The following HHLA2 variants were observed in gnomAD, a reference collection of about 807,000 sequenced individuals.
The protein encoded by HHLA2 is HERV-H LTR-associating protein 2.
In HHLA2, 48 loss-of-function variants were observed where a neutral mutation model predicts 45.9. That is an observed-to-expected ratio of 1.05 (90% confidence interval 0.83 to 1.33). HHLA2 has a LOEUF of 1.33. Ranked by LOEUF, HHLA2 falls within the 40% of genes most tolerant of loss-of-function variation. HHLA2 has a pLI of 0.00. For missense variants in HHLA2, 462 were observed against 494.3 expected, an observed-to-expected ratio of 0.93 and a Z score of 0.62; for synonymous variants, 161 against 173.9, an observed-to-expected ratio of 0.93 and a Z score of 0.59.
intron 8 of HHLA2, among the ~76,000 whole-genome samples, chr3:108,367,978 A>C (rs190319657): frequency 1.2e-3 from 180 of 152,320 alleles, no homozygotes; most frequent in African/African-American, 4.0e-3. Context: ...GTTACCTACA[A>C]AGGGAAGTCC....
intron 8 of HHLA2, among the ~76,000 whole-genome samples, chr3:108,367,243 T>C (rs2082079749): frequency 6.6e-6 from 1 of 152,004 alleles, no homozygotes; most frequent in South Asian, 2.1e-4. Flanking sequence ...TAAATGAAGA[T>C]GAGGAAAAAC....
chr3:108,359,295 G>A (rs568596647), intron 7 of HHLA2, among the ~76,000 whole-genome samples: 4 of 151,946 alleles, frequency 2.6e-5, no homozygotes, highest in Non-Finnish European at 5.9e-5. Flanking sequence ...TTCCATCTCT[G>A]ACAAAAGAGT....
intron 2 of HHLA2, among the ~76,000 whole-genome samples, chr3:108,317,799 T>C (rs1348357861): frequency 6.6e-6 from 1 of 151,976 alleles, no homozygotes; most frequent in Non-Finnish European, 1.5e-5. Context: ...GGCCTTGAAC[T>C]CCTGACCTTG....
chr3:108,334,452 C>A (rs532427473), intron 3 of HHLA2, among the ~76,000 whole-genome samples: 4 of 152,300 alleles, frequency 2.6e-5, no homozygotes, highest in Admixed American at 2.6e-4. Context: ...GGTGTTGCTT[C>A]TGATCAACTA....
At chr3:108,336,701 A>C (rs921897902) in intron 3 of HHLA2, among the ~76,000 whole-genome samples, 5 of 152,078 alleles carry the variant, frequency 3.3e-5, no homozygotes, top group African/African-American at 9.7e-5. Flanking sequence ...ACTTTTCCTC[A>C]TGTGCTCAGT....
intron 5 of HHLA2, 129 bp downstream of exon 4, chr3:108,353,909 C>T (rs1160054155): frequency 4.5e-6 from 3 of 667,238 alleles, no homozygotes; most frequent in African/African-American, 3.6e-5. Context: ...ATTTTTAACG[C>T]ACAGCAACTT....
At chr3:108,323,530 G>A (rs1161897599) in intron 2 of HHLA2, among the ~76,000 whole-genome samples, 2 of 152,086 alleles carry the variant, frequency 1.3e-5, no homozygotes, top group African/African-American at 4.8e-5. Context: ...CAGAAATCCT[G>A]AGTGGGCTCA....
intron 1 of HHLA2, among the ~76,000 whole-genome samples, chr3:108,296,857 A>G (rs2080769288): frequency 6.6e-6 from 1 of 152,260 alleles, no homozygotes. Context: ...AATACCTAAC[A>G]TTCTGGTAAG....
chr3:108,296,982 T>G (rs1038348895), intron 1 of HHLA2, among the ~76,000 whole-genome samples: 12 of 152,246 alleles, frequency 7.9e-5, no homozygotes, highest in Non-Finnish European at 1.8e-4. Context: ...TACAGAGTTT[T>G]ATTAGCTGCT....
At chr3:108,317,747 G>A (rs1461458357) in intron 2 of HHLA2, among the ~76,000 whole-genome samples, 1 of 150,960 alleles carries the variant, frequency 6.6e-6, no homozygotes, top group Non-Finnish European at 1.5e-5. Context: ...GCTAATTTTT[G>A]TATTTTTAGT....
At chr3:108,342,048 C>T (rs1420471996) in intron 3 of HHLA2, among the ~76,000 whole-genome samples, 1 of 152,096 alleles carries the variant, frequency 6.6e-6, no homozygotes, top group Non-Finnish European at 1.5e-5. Context: ...CCTTTCTGAA[C>T]AATTTGTCAG....
chr3:108,332,137 G>T (rs1378236880), intron 3 of HHLA2, among the ~76,000 whole-genome samples: 1 of 152,114 alleles, frequency 6.6e-6, no homozygotes, highest in Non-Finnish European at 1.5e-5. Flanking sequence ...TGAGGAATTT[G>T]GTTCAAAAGC....
At chr3:108,343,891 G>A (rs912006974) in intron 3 of HHLA2, among the ~76,000 whole-genome samples, 4 of 152,190 alleles carry the variant, frequency 2.6e-5, no homozygotes, top group Admixed American at 6.5e-5. Context: ...TCGTAATTCA[G>A]TTAGTCCAGA....
chr3:108,362,516 A>G (rs2082000372), intron 8 of HHLA2, 70 bp downstream of exon 7: 4 of 978,482 alleles, frequency 4.1e-6, no homozygotes, highest in Non-Finnish European at 6.3e-6. Context: ...ATGGAAATAC[A>G]TGCCCAAACA....
intron 3 of HHLA2, among the ~76,000 whole-genome samples, chr3:108,340,548 T>A (rs1304182504): frequency 6.6e-6 from 1 of 152,212 alleles, no homozygotes; most frequent in Non-Finnish European, 1.5e-5. Context: ...CAGCTTGATT[T>A]ATATAAACAG....
intron 8 of HHLA2, among the ~76,000 whole-genome samples, chr3:108,364,185 G>A (rs1329565345): frequency 6.6e-6 from 1 of 151,884 alleles, no homozygotes; most frequent in Non-Finnish European, 1.5e-5. Flanking sequence ...GATGTTCCCC[G>A]CCCTGTGTCC....
At position 108,374,407 on chromosome 3, in the gene HHLA2, A is replaced by G. The variant is rs1171709835; in HGVS notation, c.1109-1343A>G. Reference sequence around the variant, plus strand: ...GAAAACCTAGGCAATACCATTCAGGACATAGGCATGGGCAAGGACTTCATG... The same window carrying G: ...GAAAACCTAGGCAATACCATTCAGGGCATAGGCATGGGCAAGGACTTCATG... On this transcript the variant is annotated intron_variant, in intron 8 of 10. Coordinates refer to ENST00000619531, the Ensembl canonical transcript of HHLA2. Among the ~76,000 whole-genome samples, 417 of 151,032 alleles carry G rather than the reference A, an allele frequency of 2.8e-3. 3 individuals carry two copies. Among genetic ancestry groups the G allele is most frequent in the African/African-American group, 9.7e-3 (400 of 41,350 alleles).
Position 108,359,513 on chromosome 3 carries a change from T to TG in HHLA2, c.1003+1358dup, listed in dbSNP as rs1450515258. On this transcript the variant is annotated intron_variant, in intron 7 of 10. Transcript: ENST00000619531. ...TTTCCCAGGAGGTGCTACAACAAGA[T>TG]GGGGGGTACTTATGATTCCTCGAAT... Among the ~76,000 whole-genome samples, 12 of 152,182 alleles carry TG rather than the reference T, an allele frequency of 7.9e-5. 1 individual carries two copies. In the South Asian group the frequency reaches 2.3e-3, roughly 29 times the overall value.
chr3:108,302,186 T>G (rs2080861203), intron 1 of HHLA2, among the ~76,000 whole-genome samples: 1 of 152,144 alleles, frequency 6.6e-6, no homozygotes, highest in African/African-American at 2.4e-5. Context: ...TTTAAAATGG[T>G]ATATAAATGA....
Sources: allele counts gnomAD v4.1 joint callset (sites outside exome capture counted in the v4.1 genomes callset), GRCh38; gene constraint gnomAD v4.1.1; transcripts MANE v1.5; gene names NCBI Gene and HGNC (gene_info 2026-07-23, HGNC 2026-07-21).